The following SBF1 variants were observed in gnomAD, a reference collection of about 807,000 sequenced individuals.
SBF1 encodes SET binding factor 1.
Under a neutral mutation model 215.8 loss-of-function variants are expected in SBF1, and 65 were observed. The ratio of observed to expected loss-of-function variants is 0.30; its 90% CI spans 0.25 to 0.37. The LOEUF (loss-of-function observed/expected upper bound fraction) is 0.37, where lower values mean the gene tolerates loss of function less well. Among genes scored for constraint, SBF1 ranks in the 10% least tolerant of loss-of-function variants. The pLI is 1.00. For synonymous variants in SBF1, 1,410 were observed against 1,122.8 expected (o/e 1.26, Z -5.11); for missense variants, 2,634 against 2,667.8 (o/e 0.99, Z 0.28).
chr22:50,460,544 G>A lies in SBF1; in HGVS notation c.3136C>T (p.Pro1046Ser). ...RPPRVTKDKG[P>S]SLRTLSRNLV... is the part of the protein sequence containing the mutation. Reference sequence around the variant, plus strand: ...GACCCAGATCCATACCTGAGGGAAGGACCCTTGTCCTTGGTGACTCGCGGT... The same window carrying A: ...GACCCAGATCCATACCTGAGGGAAGAACCCTTGTCCTTGGTGACTCGCGGT... Residue 1046 changes from proline (P) to serine (S), a missense_variant, in exon 24 of 41, where the codon CCT (proline) becomes TCT (serine). Physicochemically the swap from Pro to Ser is moderately conservative, Grantham distance 74 (BLOSUM62 -1). Coordinates refer to ENST00000380817, the MANE Select transcript of SBF1 (RefSeq NM_002972.4). 1 of 1,614,098 alleles carries A rather than the reference G, an allele frequency of 6.2e-7. No homozygotes were observed. Among genetic ancestry groups the A allele is most frequent in the Non-Finnish European group, 8.5e-7 (1 of 1,180,018 alleles).
rs1400024107 is a variant in SBF1, at chr22:50,445,687, G to A, written c.*1455C>T. Reference sequence around the variant, plus strand: ...GTCCGGCCTGAGGGAAGACCTGGCTGGTTTCAGTGGCTCAAGTGAGCCCAC... The same window carrying A: ...GTCCGGCCTGAGGGAAGACCTGGCTAGTTTCAGTGGCTCAAGTGAGCCCAC... On this transcript the variant is annotated 3_prime_UTR_variant, in exon 41 of 41. Coordinates refer to ENST00000380817, the MANE Select transcript of SBF1 (RefSeq NM_002972.4). 1.3e-5 allele frequency: 2 copies of A among 152,316 alleles called. No individual in the cohort carries two copies. Among genetic ancestry groups the A allele is most frequent in the East Asian group, 3.8e-4 (2 of 5,210 alleles). The allele number at this position is 152,316 out of a possible 1,614,324, so 9.4% of individuals were successfully genotyped here. A position where few individuals can be genotyped will look rare whatever the true frequency, so the allele number is the denominator to read the frequency against.
rs781244881 is a variant in SBF1 at position 50,462,624 on chromosome 22, C to A, written c.2062G>T (p.Gly688Trp). ...GCCCGGATGTGAGTCTGCACATCCC[C>A]ATAGAACATGGCCTCCCAGAACTGT... Reference protein sequence around the residue: ...TPQFWEAMFYGDVQTHIRALY... With the variant: ...TPQFWEAMFYWDVQTHIRALY... Residue 688 changes from glycine to tryptophan, a missense_variant, in exon 18 of 41, where the codon GGG becomes TGG. Physicochemically the swap from Gly to Trp is radical, Grantham distance 184 (BLOSUM62 -2). Coordinates refer to ENST00000380817, the MANE Select transcript of SBF1 (RefSeq NM_002972.4). 2 of 1,612,734 alleles carry A rather than the reference C, an allele frequency of 1.2e-6. No individual in the cohort carries two copies. Among genetic ancestry groups the A allele is most frequent in the Middle Eastern group, 3.3e-4 (2 of 6,058 alleles).
At chr22:50,464,792 C>G (rs2076714) in intron 13 of SBF1, 27 bp downstream of exon 13, 4 of 1,612,308 alleles carry the variant, frequency 2.5e-6, no homozygotes, top group Non-Finnish European at 3.4e-6. Flanking sequence ...GGCGGTACGA[C>G]GCCCTCCCGT....
At chr22:50,454,781 G>A in intron 35 of SBF1, 33 bp downstream of exon 35, 2 of 1,607,788 alleles carry the variant, frequency 1.2e-6, no homozygotes, top group Non-Finnish European at 1.7e-6. Flanking sequence ...GGGTCGGGCA[G>A]GAGCCGCCTA....
Position 50,445,821 on chromosome 22 carries a change from C to CA in SBF1, c.*1320dup, listed in dbSNP as rs2066787768. On this transcript the variant is annotated 3_prime_UTR_variant, in exon 41 of 41. Coordinates refer to ENST00000380817, the MANE Select transcript of SBF1 (RefSeq NM_002972.4). Reference sequence around the variant, plus strand: ...GCCATCCTTGGCTTCAACGTCCCACCAGGGGAGGGTCTTGGCCCCCCACCT... The same window carrying CA: ...GCCATCCTTGGCTTCAACGTCCCACCAAGGGGAGGGTCTTGGCCCCCCACCT... The CA allele has an allele frequency of 6.6e-6, 1 of 152,526 alleles. No homozygotes were observed. Among genetic ancestry groups the CA allele is most frequent in the East Asian group, 1.9e-4 (1 of 5,198 alleles). The allele number at this position is 152,526 out of a possible 1,614,324, so 9.4% of individuals were successfully genotyped here. A position where few individuals can be genotyped will look rare whatever the true frequency, so the allele number is the denominator to read the frequency against.
At chr22:50,473,299 C>T (rs565743979) in intron 1 of SBF1, among the ~76,000 whole-genome samples, 2 of 152,286 alleles carry the variant, frequency 1.3e-5, no homozygotes, top group East Asian at 1.9e-4. Context: ...CAGCCCTCAG[C>T]CAGCCTTGCT....
chr22:50,451,757 T>TA (rs2067055360), intron 36 of SBF1, among the ~76,000 whole-genome samples: 2 of 150,902 alleles, frequency 1.3e-5, no homozygotes, highest in Non-Finnish European at 2.9e-5. Context: ...CACCAACTTC[T>TA]AAGCAGAAAC....
At position 50,461,328 on chromosome 22, in the gene SBF1, G is replaced by C. The variant is rs55969137; in HGVS notation, c.2840-42C>G. 1,425 of 998,652 alleles carry C rather than the reference G, an allele frequency of 1.4e-3. 4 individuals are homozygous for C. The highest frequency in any genetic ancestry group is 2.6e-3 in the African/African-American group (29 of 11,152). The allele number at this position is 998,652 out of a possible 1,614,324, so 61.9% of individuals were successfully genotyped here. The stretch of plus-strand genomic sequence containing the variant: ...CAGAGTCAGAAGCAAGGAAGGTAAG[G>C]GGGGGGGGGTCCCAGAATCTCAGGG... On this transcript the variant is annotated intron_variant, in intron 22 of 40. Coordinates refer to ENST00000380817, the MANE Select transcript of SBF1 (RefSeq NM_002972.4).
In SBF1 at chr22:50,462,232, C is replaced by T; in HGVS notation, c.2369G>A (p.Ser790Asn). 1.2e-6 allele frequency: 2 copies of T among 1,608,180 alleles called. No individual in the cohort carries two copies. Among genetic ancestry groups the T allele is most frequent in the Non-Finnish European group, 1.7e-6 (2 of 1,179,976 alleles). ...GTTGGTGACCAGGCTGTTGCTGGCGCTCTCCAGGTCGCCCAGCCCGGCACG... is the reference window on the plus strand; with the variant it reads ...GTTGGTGACCAGGCTGTTGCTGGCGTTCTCCAGGTCGCCCAGCCCGGCACG... ...RERAGLGDLE[S>N]ASNSLVTNSM... is the part of the protein sequence containing the mutation. Residue 790 changes from serine (S) to asparagine (N), a missense_variant, in exon 19 of 41, where the codon AGC (serine) becomes AAC (asparagine). Physicochemically the swap from Ser to Asn is conservative, Grantham distance 46 (BLOSUM62 1). Transcript: ENST00000380817.
At position 50,446,356 on chromosome 22, in the gene SBF1, T is replaced by TGG. The variant is rs2066808396; in HGVS notation, c.*785_*786insCC. On this transcript the variant is annotated 3_prime_UTR_variant, in exon 41 of 41. Coordinates refer to ENST00000380817, the MANE Select transcript of SBF1 (RefSeq NM_002972.4). ...CCTGCATTCCCCTGGGAGCCCACTG[T>TGG]CCCCCCCCCCCCCCCGCCTCCGGCC... 2.9e-5 allele frequency: 1 copy of TGG among 35,048 alleles called. No individual in the cohort carries two copies. Among genetic ancestry groups the TGG allele is most frequent in the Non-Finnish European group, 5.8e-5 (1 of 17,172 alleles). The allele number at this position is 35,048 out of a possible 1,614,324, so 2.2% of individuals were successfully genotyped here. A position where few individuals can be genotyped will look rare whatever the true frequency, so the allele number is the denominator to read the frequency against.
Position 50,464,701 on chromosome 22 carries a change from T to C in SBF1, c.1469A>G (p.Gln490Arg), listed in dbSNP as rs2067671503. The change falls in exon 14 of 41, where the codon CAG becomes CGG. Residue 490 changes from glutamine to arginine, a missense_variant. Coordinates refer to ENST00000380817, the MANE Select transcript of SBF1 (RefSeq NM_002972.4). ...CAGGTGGCTGCTCTCACCGGGCCTC[T>C]GTACCTTGTGCATCGCCACGGCTGG... Reference protein sequence around the residue: ...PYPAVAMHKVQRPGESSHLRR... With the variant: ...PYPAVAMHKVRRPGESSHLRR... The C allele has an allele frequency of 6.2e-7, 1 of 1,607,478 alleles. No homozygotes were observed. The highest frequency in any genetic ancestry group is 8.5e-7 in the Non-Finnish European group (1 of 1,179,116).
rs2066808396 is a variant in SBF1 at position 50,446,356 on chromosome 22, T to TTCCCCCCCCCCCCCCCCC, written c.*785_*786insGGGGGGGGGGGGGGGGGA. On this transcript the variant is annotated 3_prime_UTR_variant, in exon 41 of 41. Coordinates refer to ENST00000380817, the MANE Select transcript of SBF1 (RefSeq NM_002972.4). ...CCTGCATTCCCCTGGGAGCCCACTG[T>TTCCCCCCCCCCCCCCCCC]CCCCCCCCCCCCCCCGCCTCCGGCC... 2.9e-5 allele frequency: 1 copy of TTCCCCCCCCCCCCCCCCC among 35,048 alleles called. No homozygotes were observed. The highest frequency in any genetic ancestry group is 1.3e-4 in the African/African-American group (1 of 7,646). The allele number at this position is 35,048 out of a possible 1,614,324, so 2.2% of individuals were successfully genotyped here.
intron 23 of SBF1, 70 bp downstream of exon 23, chr22:50,461,089 A>C (rs548376404): frequency 2.0e-6 from 3 of 1,520,878 alleles, no homozygotes; most frequent in Non-Finnish European, 2.6e-6. Context: ...TGGTTCATAC[A>C]AGAAAGACCG....
At chr22:50,456,038 C>G in intron 31 of SBF1, 178 bp downstream of exon 31, 1 of 682,184 alleles carries the variant, frequency 1.5e-6, no homozygotes, top group Non-Finnish European at 2.4e-6. Context: ...CTGGCCCCAG[C>G]CAGGCCCAGC....
At chr22:50,455,195 C>T (rs950745555) in intron 33 of SBF1, 29 bp downstream of exon 33, 19 of 1,612,734 alleles carry the variant, frequency 1.2e-5, no homozygotes, top group Non-Finnish European at 1.5e-5. Flanking sequence ...GTGCACAGTC[C>T]CGGCCCACCC....
At chr22:50,452,647 C>CA (rs1201534427) in intron 36 of SBF1, among the ~76,000 whole-genome samples, 1 of 140,584 alleles carries the variant, frequency 7.1e-6, no homozygotes, top group Non-Finnish European at 1.5e-5. Context: ...CACCTGAACT[C>CA]AGAGGCAGAG....
At chr22:50,472,810 G>A (rs887301222) in intron 1 of SBF1, among the ~76,000 whole-genome samples, 1 of 152,088 alleles carries the variant, frequency 6.6e-6, no homozygotes, top group African/African-American at 2.4e-5. Flanking sequence ...CTATAGCCTT[G>A]TTCCCCTCAA....
At chr22:50,470,381 C>T (rs988232390) in intron 1 of SBF1, among the ~76,000 whole-genome samples, 1 of 152,142 alleles carries the variant, frequency 6.6e-6, no homozygotes, top group East Asian at 1.9e-4. Context: ...CTCTCCACCC[C>T]CCGCTAGTCT....
chr22:50,469,601 C>A (rs2067922239), intron 1 of SBF1, among the ~76,000 whole-genome samples: 2 of 152,330 alleles, frequency 1.3e-5, no homozygotes, highest in South Asian at 4.1e-4. Context: ...AGCCTGCCTG[C>A]CTTCTCCTCC....
Sources: allele counts gnomAD v4.1 joint callset (sites outside exome capture counted in the v4.1 genomes callset), GRCh38; gene constraint gnomAD v4.1.1; transcripts MANE v1.5; gene names NCBI Gene and HGNC (gene_info 2026-07-23, HGNC 2026-07-21).